The following LAMP1 variants were observed in gnomAD, a reference collection of about 807,000 sequenced individuals.
The protein encoded by LAMP1 is lysosome-associated membrane glycoprotein 1.
LAMP1 carries 7 observed loss-of-function variants against 37.5 expected under a neutral mutation model. The ratio of observed to expected loss-of-function variants is 0.19; its 90% CI spans 0.11 to 0.35. The LOEUF (loss-of-function observed/expected upper bound fraction) is 0.35, where lower values mean the gene tolerates loss of function less well. Among genes scored for constraint, LAMP1 ranks in the 10% least tolerant of loss-of-function variants. The pLI is 1.00. For missense variants in LAMP1, 537 were observed against 552.8 expected, an observed-to-expected ratio of 0.97 and a Z score of 0.29; for synonymous variants, 236 against 229.1, an observed-to-expected ratio of 1.03 and a Z score of -0.27.
In LAMP1 at chr13:113,321,110, G is replaced by T; in HGVS notation, c.877-294G>T. ...GTGGGAGGATCACTTGAGCCCAGGA[G>T]TTAAGGTTGCGATGAGCCGTGATCA... is the stretch of plus-strand genomic sequence containing the variant. On this transcript the variant is annotated intron_variant, in intron 6 of 8. Coordinates refer to ENST00000332556, the MANE Select transcript of LAMP1 (RefSeq NM_005561.4). This position sits in a 1 kb window ranked among gnomAD's most constrained non-coding sequence, Gnocchi z 5.6. 1 of 381,852 alleles carries T rather than the reference G, an allele frequency of 2.6e-6. No individual in the cohort carries two copies. The highest frequency in any genetic ancestry group is 6.4e-5 in the East Asian group (1 of 15,642). 23.7% of individuals were successfully genotyped at this position (381,852 alleles called of 1,614,324 possible). A position where few individuals can be genotyped will look rare whatever the true frequency, so the allele number is the denominator to read the frequency against.
intron 4 of LAMP1, among the ~76,000 whole-genome samples, chr13:113,316,291 G>C (rs540022481): frequency 1.3e-5 from 2 of 152,216 alleles, no homozygotes; most frequent in Non-Finnish European, 2.9e-5. Flanking sequence ...GGAGGAGTGG[G>C]GTGTCTTCGT....
In LAMP1 at chr13:113,320,265, A is replaced by G; in HGVS notation, c.751-80A>G. On this transcript the variant is annotated intron_variant, in intron 5 of 8. Transcript: ENST00000332556. The surrounding 1 kb of genome is among the most constrained non-coding windows in gnomAD (Gnocchi z 4.4). ...TTAAAACAAATGTGGCCTTGAATTCACGGTTTCAGGACTGTTTGTCTTTTC... is the reference window on the plus strand; with the variant it reads ...TTAAAACAAATGTGGCCTTGAATTCGCGGTTTCAGGACTGTTTGTCTTTTC... The G allele has an allele frequency of 1.3e-6, 2 of 1,547,650 alleles. No homozygotes were observed. The highest frequency in any genetic ancestry group is 1.8e-6 in the Non-Finnish European group (2 of 1,125,504).
At position 113,309,548 on chromosome 13, in the gene LAMP1, G is replaced by C. The variant is rs2042617887; in HGVS notation, c.184-95G>C. The C allele has an allele frequency of 5.4e-6, 5 of 922,590 alleles. No individual in the cohort carries two copies. The Admixed American group carries it at 1.3e-4, about 24-fold the overall frequency. 57.2% of individuals were successfully genotyped at this position (922,590 alleles called of 1,614,324 possible). Reference sequence around the variant, plus strand: ...TAGTGATATCTTAGTTGGAAATGAAGTATAAGTTTATATCAGACTTACAGA... The same window carrying C: ...TAGTGATATCTTAGTTGGAAATGAACTATAAGTTTATATCAGACTTACAGA... On this transcript the variant is annotated intron_variant, in intron 2 of 8. Transcript: ENST00000332556.
chr13:113,310,962 G>T lies in LAMP1; in HGVS notation c.562+95G>T. On this transcript the variant is annotated intron_variant, in intron 4 of 8. Transcript: ENST00000332556. ...CTCACTGCTCTGTGTCCTGGTGCTG[G>T]GCTCTGCCTGGAACGCGTGTGCACA... 4.7e-6 allele frequency: 5 copies of T among 1,058,670 alleles called. No homozygotes were observed. The South Asian group carries it at 7.5e-5, about 16-fold the overall frequency. 65.6% of individuals were successfully genotyped at this position (1,058,670 alleles called of 1,614,324 possible).
Position 113,321,466 on chromosome 13 carries a change from C to T in LAMP1, c.939C>T (p.Ala313=). ...GIQLNTILPD[A]RDPAFKAANG... ...AGTTGAATACAATTCTTCCTGACGC[C>T]AGAGGTGAGAACCCACAATCTCTGC... The change falls in exon 7 of 9, where the codon GCC becomes GCT. Residue 313 remains alanine, a synonymous_variant. Transcript: ENST00000332556. This position sits in a 1 kb window ranked among gnomAD's most constrained non-coding sequence, Gnocchi z 5.6. 2 of 1,614,096 alleles carry T rather than the reference C, an allele frequency of 1.2e-6. No homozygotes were observed. The highest frequency in any genetic ancestry group is 1.7e-6 in the Non-Finnish European group (2 of 1,179,972).
chr13:113,321,280 T>G lies in LAMP1; in HGVS notation c.877-124T>G, dbSNP rs1566404883. On this transcript the variant is annotated intron_variant, in intron 6 of 8. Coordinates refer to ENST00000332556, the MANE Select transcript of LAMP1 (RefSeq NM_005561.4). This position sits in a 1 kb window ranked among gnomAD's most constrained non-coding sequence, Gnocchi z 5.6. Reference sequence around the variant, plus strand: ...CAGTTTTGTTCTAATACTAGAAATGTAGGAAGTCAGGTTTATTACCCAATG... The same window carrying G: ...CAGTTTTGTTCTAATACTAGAAATGGAGGAAGTCAGGTTTATTACCCAATG... The G allele has an allele frequency of 6.2e-6, 5 of 809,878 alleles. No individual in the cohort carries two copies. The East Asian group carries it at 1.2e-4, about 20-fold the overall frequency. The allele number at this position is 809,878 out of a possible 1,614,324, so 50.2% of individuals were successfully genotyped here.
intron 3 of LAMP1, 88 bp from the exon 4 acceptor site, chr13:113,310,621 A>C: frequency 9.3e-7 from 1 of 1,071,898 alleles, no homozygotes; most frequent in East Asian, 2.6e-5. Flanking sequence ...ACTGGAATCT[A>C]TAACTGACAT....
chr13:113,305,196 T>G (rs1341458003), intron 1 of LAMP1: 1 of 152,250 alleles, frequency 6.6e-6, no homozygotes, highest in Non-Finnish European at 1.5e-5. Flanking sequence ...GCCCTCACAG[T>G]GTGCCTGAGT....
intron 1 of LAMP1, among the ~76,000 whole-genome samples, chr13:113,298,079 A>C (rs1315361349): frequency 1.3e-5 from 2 of 152,142 alleles, no homozygotes; most frequent in African/African-American, 2.4e-5. Flanking sequence ...TGTATGTTAA[A>C]ATAATTTTTA....
At chr13:113,315,382 CTTTTTTTTTTTTT>C (rs1158608278) in intron 4 of LAMP1, among the ~76,000 whole-genome samples, 5 of 60,398 alleles carry the variant, frequency 8.3e-5, no homozygotes, top group African/African-American at 3.0e-4. Flanking sequence ...TGTATCTTGT[CTTTTTTTTTTTTT>C]TTTTTTTTTT....
chr13:113,306,555 C>T lies in LAMP1; in HGVS notation c.132C>T (p.Ala44=), dbSNP rs766396501. The T allele has an allele frequency of 3.1e-6, 5 of 1,614,112 alleles. No individual in the cohort carries two copies. Among genetic ancestry groups the T allele is most frequent in the Middle Eastern group, 1.6e-4 (1 of 6,062 alleles). ...KNGNGTACIM[A]NFSAAFSVNY... Reference sequence around the variant, plus strand: ...GCAACGGGACCGCGTGCATAATGGCCAACTTCTCTGCTGCCTTCTCAGTGA... The same window carrying T: ...GCAACGGGACCGCGTGCATAATGGCTAACTTCTCTGCTGCCTTCTCAGTGA... Residue 44 remains alanine, a synonymous_variant, in exon 2 of 9, where the codon GCC becomes GCT. Transcript: ENST00000332556.
chr13:113,318,313 G>A (rs558133431), intron 4 of LAMP1, among the ~76,000 whole-genome samples: 1 of 152,338 alleles, frequency 6.6e-6, no homozygotes, highest in South Asian at 2.1e-4. Context: ...TGAGATGGAA[G>A]CGGAAGCAGC....
At chr13:113,299,325 C>T (rs988901223) in intron 1 of LAMP1, among the ~76,000 whole-genome samples, 2 of 151,192 alleles carry the variant, frequency 1.3e-5, no homozygotes, top group Admixed American at 6.6e-5. Flanking sequence ...AGTGCAGTGG[C>T]ACAACCTCGG....
At chr13:113,315,829 A>G (rs73582827) in intron 4 of LAMP1, among the ~76,000 whole-genome samples, 21,677 of 151,624 alleles carry the variant, frequency 0.14, 4,598 homozygotes, top group African/African-American at 0.46. Context: ...GTGGCTGGGC[A>G]CGGTGGCTCA....
At chr13:113,298,930 C>T (rs2042556478) in intron 1 of LAMP1, among the ~76,000 whole-genome samples, 1 of 152,226 alleles carries the variant, frequency 6.6e-6, no homozygotes, top group African/African-American at 2.4e-5. Flanking sequence ...ATCATGGCGT[C>T]AGGAGTTCGA....
At chr13:113,318,353 T>C (rs2139373877) in intron 4 of LAMP1, among the ~76,000 whole-genome samples, 1 of 152,298 alleles carries the variant, frequency 6.6e-6, no homozygotes, top group East Asian at 1.9e-4. Flanking sequence ...GAGTGGCAGA[T>C]TCCCTGCAGG....
At position 113,306,564 on chromosome 13, in the gene LAMP1, T is replaced by G. The variant is rs2042599646; in HGVS notation, c.141T>G (p.Ser47=). The change falls in exon 2 of 9, where the codon TCT becomes TCG. Residue 47 remains serine, a synonymous_variant. Coordinates refer to ENST00000332556, the MANE Select transcript of LAMP1 (RefSeq NM_005561.4). ...NGTACIMANF[S]AAFSVNYDTK... is the part of the protein sequence containing the mutation. ...CCGCGTGCATAATGGCCAACTTCTC[T>G]GCTGCCTTCTCAGTGAACTACGACA... is the stretch of plus-strand genomic sequence containing the variant. 4.3e-6 allele frequency: 7 copies of G among 1,614,124 alleles called. No individual in the cohort carries two copies. The South Asian group carries it at 5.5e-5, about 13-fold the overall frequency.
intron 1 of LAMP1, among the ~76,000 whole-genome samples, chr13:113,302,011 C>T (rs113466714): frequency 1.5e-3 from 220 of 151,480 alleles, no homozygotes; most frequent in African/African-American, 4.5e-3. Flanking sequence ...TACAGGCATG[C>T]GCCACCATGC....
intron 3 of LAMP1, among the ~76,000 whole-genome samples, 185 bp from the exon 4 acceptor site, chr13:113,310,524 T>C (rs750644706): frequency 3.6e-4 from 54 of 150,978 alleles, no homozygotes; most frequent in Non-Finnish European, 7.5e-4. Flanking sequence ...AGACTCTGTC[T>C]CAAAAAAAAT....
Sources: gnomAD v4.1 joint callset for allele counts (sites outside exome capture counted in the v4.1 genomes callset) on GRCh38, gnomAD v4.1.1 for gene constraint, Gnocchi (gnomAD v3.1) non-coding constraint, MANE v1.5 for transcripts, NCBI Gene and HGNC (gene_info 2026-07-23, HGNC 2026-07-21) for gene names.